The following KCNIP4 variants were observed in gnomAD, a reference collection of about 807,000 sequenced individuals.
KCNIP4 encodes Kv channel-interacting protein 4.
A neutral mutation model predicts 34.0 loss-of-function variants in KCNIP4; 12 were observed. The observed-to-expected ratio is 0.35, with a 90% CI of 0.23 to 0.57. The LOEUF is 0.57. KCNIP4 is among the 20% of genes least tolerant of loss of function. KCNIP4 has a pLI of 0.83. For missense variants in KCNIP4, 238 were observed against 311.7 expected, an observed-to-expected ratio of 0.76 and a Z score of 1.78; for synonymous variants, 124 against 102.2, an observed-to-expected ratio of 1.21 and a Z score of -1.29.
At chr4:21,595,199 TTC>T in intron 1 of KCNIP4, among the ~76,000 whole-genome samples, 1 of 152,238 alleles carries the variant, frequency 6.6e-6, no homozygotes. Flanking sequence ...TGTCCATGTG[TTC>T]TCACTGTTCA....
At chr4:21,442,768 T>C (rs1171728344) in intron 1 of KCNIP4, among the ~76,000 whole-genome samples, 2 of 152,228 alleles carry the variant, frequency 1.3e-5, no homozygotes, top group Non-Finnish European at 2.9e-5. Context: ...ATTATCTTGA[T>C]GACCTTATCC....
intron 1 of KCNIP4, among the ~76,000 whole-genome samples, chr4:21,542,406 G>T (rs1737782914): frequency 1.3e-5 from 2 of 151,920 alleles, no homozygotes; most frequent in Non-Finnish European, 2.9e-5. Context: ...ATAAAATCGA[G>T]CTTGAAAATA....
At chr4:20,850,428 G>A (rs1720882135) in intron 3 of KCNIP4, 115 bp downstream of exon 3, 12 of 1,119,410 alleles carry the variant, frequency 1.1e-5, no homozygotes, top group Non-Finnish European at 1.4e-5. Flanking sequence ...GGATCAGTAT[G>A]AAATATACAT....
rs563512751 is a variant in KCNIP4 at position 21,926,867 on chromosome 4, C to A, written c.61+21704G>T. 7.2e-5 allele frequency among the ~76,000 whole-genome samples: 11 copies of A among 152,246 alleles called. 1 individual carries two copies. The South Asian group carries it at 2.3e-3, about 32-fold the overall frequency. ...TGTAAAATACTAGTGAAACAGATAA[C>A]CCTGTGGCCAGGTATATTCATTCTC... On this transcript the variant is annotated intron_variant, in intron 1 of 8. Transcript: ENST00000382152.
rs569568514 is a variant in KCNIP4, at chr4:21,036,554, G to A, written c.62-153845C>T. Among the ~76,000 whole-genome samples the A allele has an allele frequency of 3.8e-4, 58 of 152,258 alleles. No homozygotes were observed. In the South Asian group the frequency reaches 0.011, roughly 30 times the overall value. On this transcript the variant is annotated intron_variant, in intron 1 of 8. Coordinates refer to ENST00000382152, the MANE Select transcript of KCNIP4 (RefSeq NM_025221.6). ...CTCTATTTTGGCACTGGAAGCAAAT[G>A]AGTCTTAAAAACTGCTATGTGATTA...
At chr4:21,005,621 G>C (rs1318547575) in intron 1 of KCNIP4, among the ~76,000 whole-genome samples, 1 of 151,884 alleles carries the variant, frequency 6.6e-6, no homozygotes, top group African/African-American at 2.4e-5. Flanking sequence ...GACCAAATGA[G>C]TTCCCAAATT....
chr4:21,806,845 TAC>T (rs1054990187), intron 1 of KCNIP4, among the ~76,000 whole-genome samples: 3 of 152,194 alleles, frequency 2.0e-5, no homozygotes, highest in African/African-American at 7.2e-5. Context: ...TTTAGTGGAA[TAC>T]AGTTTTTCTA....
chr4:21,390,703 T>C (rs930159644), intron 1 of KCNIP4, among the ~76,000 whole-genome samples: 7 of 152,214 alleles, frequency 4.6e-5, no homozygotes, highest in Admixed American at 2.6e-4. Context: ...TTGGTTACTA[T>C]AGCCTTGTAG....
chr4:21,493,043 T>G (rs1732542613), intron 1 of KCNIP4, among the ~76,000 whole-genome samples: 1 of 152,154 alleles, frequency 6.6e-6, no homozygotes, highest in Non-Finnish European at 1.5e-5. Context: ...ATAGGGTTTT[T>G]GTTATGTGGC....
At chr4:20,978,556 T>C (rs1035733904) in intron 1 of KCNIP4, among the ~76,000 whole-genome samples, 5 of 152,202 alleles carry the variant, frequency 3.3e-5, no homozygotes, top group African/African-American at 1.2e-4. Context: ...CCTGTGCTTG[T>C]ACATGGTGTT....
chr4:21,925,190 C>T (rs938036542), intron 1 of KCNIP4, among the ~76,000 whole-genome samples: 1 of 151,672 alleles, frequency 6.6e-6, no homozygotes, highest in African/African-American at 2.4e-5. Flanking sequence ...CCCATTAACT[C>T]GTCATTTACA....
intron 1 of KCNIP4, among the ~76,000 whole-genome samples, chr4:21,050,826 C>A (rs918665235): frequency 2.0e-5 from 3 of 152,150 alleles, no homozygotes; most frequent in Admixed American, 2.0e-4. Context: ...AAGCATGCAT[C>A]CAATTAAGAA....
intron 1 of KCNIP4, among the ~76,000 whole-genome samples, chr4:21,514,313 A>G (rs1010198410): frequency 3.3e-5 from 5 of 152,186 alleles, no homozygotes; most frequent in Non-Finnish European, 5.9e-5. Flanking sequence ...CCAAGGAGTG[A>G]ACATGTTCAG....
At chr4:20,937,428 G>T (rs1731189767) in intron 1 of KCNIP4, among the ~76,000 whole-genome samples, 2 of 151,116 alleles carry the variant, frequency 1.3e-5, no homozygotes, top group Admixed American at 1.3e-4. Flanking sequence ...TAGAGACGGG[G>T]TTTCACCATG....
intron 1 of KCNIP4, among the ~76,000 whole-genome samples, chr4:21,482,141 T>C (rs1384686276): frequency 2.7e-4 from 4 of 14,636 alleles, no homozygotes; most frequent in Non-Finnish European, 5.8e-4. Flanking sequence ...ACCCCTGCCT[T>C]TTTTTTGTTT....
intron 1 of KCNIP4, among the ~76,000 whole-genome samples, chr4:21,803,286 T>C (rs996227885): frequency 6.6e-6 from 1 of 152,172 alleles, no homozygotes; most frequent in African/African-American, 2.4e-5. Context: ...CTATAAAATA[T>C]ATCCAAGAAG....
At chr4:21,030,681 A>G (rs1391421663) in intron 1 of KCNIP4, among the ~76,000 whole-genome samples, 1 of 152,186 alleles carries the variant, frequency 6.6e-6, no homozygotes, top group East Asian at 1.9e-4. Context: ...TGCTTTTATC[A>G]TCATCATCAT....
At chr4:21,772,258 T>A (rs1718847486) in intron 1 of KCNIP4, among the ~76,000 whole-genome samples, 1 of 152,214 alleles carries the variant, frequency 6.6e-6, no homozygotes, top group South Asian at 2.1e-4. Flanking sequence ...CAGCCTTGCA[T>A]CCCAGGGATG....
chr4:21,735,344 A>T (rs749506053), intron 1 of KCNIP4, among the ~76,000 whole-genome samples: 2 of 152,342 alleles, frequency 1.3e-5, no homozygotes, highest in African/African-American at 4.8e-5. Context: ...ATGAAGTTAT[A>T]ATTCAATAAA....
Sources: allele counts gnomAD v4.1 joint callset (sites outside exome capture counted in the v4.1 genomes callset), GRCh38; gene constraint gnomAD v4.1.1; transcripts MANE v1.5; gene names NCBI Gene and HGNC (gene_info 2026-07-23, HGNC 2026-07-21).